TPTE: variants seen among roughly 807,000 people sequenced by gnomAD.
The protein encoded by TPTE is putative tyrosine-protein phosphatase TPTE.
In TPTE, 59 loss-of-function variants were observed where a neutral mutation model predicts 84.1. The observed-to-expected ratio is 0.70, with a 90% CI of 0.57 to 0.87. TPTE has a LOEUF of 0.87. Ranked by LOEUF, TPTE falls within the 40% of genes least tolerant of loss-of-function variation. TPTE has a pLI of 0.00. For missense variants in TPTE, 382 were observed against 659.6 expected (o/e 0.58, Z 4.61); for synonymous variants, 130 against 223.5 (o/e 0.58, Z 3.73).
At chr21:10,550,228 C>T (rs1489756685) in intron 7 of TPTE, among the ~76,000 whole-genome samples, 2 of 152,312 alleles carry the variant, frequency 1.3e-5, no homozygotes, top group Non-Finnish European at 2.9e-5. Flanking sequence ...AAAACCTCCT[C>T]ACCTACCAAT....
chr21:10,536,185 G>C (rs1391244863), intron 3 of TPTE, among the ~76,000 whole-genome samples: 12 of 152,304 alleles, frequency 7.9e-5, no homozygotes, highest in African/African-American at 2.9e-4. Flanking sequence ...GGCTGAGGAA[G>C]GAGAATTGCT....
At chr21:10,564,538 A>G (rs2074876306) in intron 10 of TPTE, among the ~76,000 whole-genome samples, 1 of 152,216 alleles carries the variant, frequency 6.6e-6, no homozygotes, top group Non-Finnish European at 1.5e-5. Flanking sequence ...AACAAACCCA[A>G]AAACCAAAAC....
intron 15 of TPTE, among the ~76,000 whole-genome samples, chr21:10,578,125 A>G (rs1345068502): frequency 1.3e-5 from 2 of 152,310 alleles, no homozygotes; most frequent in Admixed American, 1.3e-4. Context: ...AAACAAAAAT[A>G]AGTTGAGTTT....
At chr21:10,544,681 A>G (rs375301395) in intron 7 of TPTE, among the ~76,000 whole-genome samples, 2,608 of 151,466 alleles carry the variant, frequency 0.017, no homozygotes, top group Middle Eastern at 0.031. Context: ...ATCAGATTGT[A>G]TGGAGGCCCT....
intron 14 of TPTE, chr21:10,576,716 C>CGTATGT (rs2075158483): frequency 6.6e-6 from 1 of 151,944 alleles, no homozygotes; most frequent in Non-Finnish European, 1.5e-5. Flanking sequence ...GAGATATATA[C>CGTATGT]GTATGTGTGT....
At position 10,601,535 on chromosome 21, in the gene TPTE, C is replaced by A. The variant is rs200549677; in HGVS notation, c.1357-523C>A. ...AGAAAAGAAAAGTGGTTCATGATAA[C>A]CCTCAAATATGTTGGCCTTTAAAAG... On this transcript the variant is annotated intron_variant, in intron 21 of 23. Transcript: ENST00000618007. Among the ~76,000 whole-genome samples, 1,620 of 149,986 alleles carry A rather than the reference C, an allele frequency of 0.011. No homozygotes were observed. In the East Asian group the frequency reaches 0.11, roughly 10 times the overall value.
chr21:10,523,389 C>T (rs76934253), intron 1 of TPTE, among the ~76,000 whole-genome samples: 4 of 152,270 alleles, frequency 2.6e-5, no homozygotes, highest in South Asian at 2.1e-4. Context: ...CATGCTGGTG[C>T]GCTGCACCCA....
intron 8 of TPTE, among the ~76,000 whole-genome samples, chr21:10,555,042 T>TTG (rs1170618027): frequency 6.6e-6 from 1 of 152,308 alleles, no homozygotes. Context: ...CTGCCTTCAA[T>TTG]ACAAATCCCA....
At chr21:10,550,342 C>G (rs1454659673) in intron 7 of TPTE, among the ~76,000 whole-genome samples, 2 of 152,304 alleles carry the variant, frequency 1.3e-5, no homozygotes, top group Admixed American at 6.5e-5. Flanking sequence ...AAGAAACTCA[C>G]TTTACCGGTA....
At chr21:10,537,693 G>GA (rs1555886422) in intron 3 of TPTE, among the ~76,000 whole-genome samples, 4 of 150,312 alleles carry the variant, frequency 2.7e-5, no homozygotes, top group African/African-American at 9.7e-5. Context: ...AAAAAAAAAA[G>GA]AAAAAAGAAA....
chr21:10,559,915 CATAT>C (rs1385882388), intron 9 of TPTE, among the ~76,000 whole-genome samples: 1 of 151,690 alleles, frequency 6.6e-6, no homozygotes, highest in African/African-American at 2.4e-5. Context: ...ATATGAGTCT[CATAT>C]ATATCTATAT....
At chr21:10,580,941 A>G (rs1296234459) in intron 17 of TPTE, among the ~76,000 whole-genome samples, 1 of 152,312 alleles carries the variant, frequency 6.6e-6, no homozygotes, top group African/African-American at 2.4e-5. Flanking sequence ...GCTTTAAATA[A>G]TCATCTAAGC....
At chr21:10,543,841 T>G (rs2074416460) in intron 7 of TPTE, among the ~76,000 whole-genome samples, 1 of 152,296 alleles carries the variant, frequency 6.6e-6, no homozygotes, top group Admixed American at 6.5e-5. Flanking sequence ...ATGGAGGAGA[T>G]AGCAGCCAAT....
intron 10 of TPTE, among the ~76,000 whole-genome samples, chr21:10,563,313 G>A (rs967254077): frequency 9.8e-5 from 15 of 152,306 alleles, no homozygotes; most frequent in African/African-American, 3.4e-4. Context: ...CAACCTGAAG[G>A]TATAAAACTC....
chr21:10,585,564 G>T (rs1325102870), intron 17 of TPTE, among the ~76,000 whole-genome samples: 2 of 152,426 alleles, frequency 1.3e-5, no homozygotes, highest in South Asian at 2.1e-4. Flanking sequence ...TGGGCAATTG[G>T]TTATAATTTT....
intron 7 of TPTE, among the ~76,000 whole-genome samples, chr21:10,545,878 G>A (rs76666605): frequency 0.012 from 1,811 of 150,966 alleles, no homozygotes; most frequent in South Asian, 0.063. Context: ...AATAACATCA[G>A]TAGTCATGTA....
At chr21:10,548,495 C>T (rs1417406031) in intron 7 of TPTE, among the ~76,000 whole-genome samples, 1 of 152,312 alleles carries the variant, frequency 6.6e-6, no homozygotes, top group Non-Finnish European at 1.5e-5. Flanking sequence ...CAGAAGTAGT[C>T]CCCAGGGCTT....
chr21:10,558,680 G>A (rs1353427109), intron 8 of TPTE, among the ~76,000 whole-genome samples: 1 of 152,300 alleles, frequency 6.6e-6, no homozygotes, highest in African/African-American at 2.4e-5. Context: ...CTCTTGGGGT[G>A]GAATTTGAGT....
intron 10 of TPTE, among the ~76,000 whole-genome samples, chr21:10,566,250 G>A (rs1234657294): frequency 1.3e-5 from 2 of 152,308 alleles, no homozygotes; most frequent in Non-Finnish European, 2.9e-5. Context: ...CATATCAAGA[G>A]ATGCTTGACA....
Sources: allele counts gnomAD v4.1 joint callset (sites outside exome capture counted in the v4.1 genomes callset), GRCh38; gene constraint gnomAD v4.1.1; transcripts MANE v1.5; gene names NCBI Gene and HGNC (gene_info 2026-07-23, HGNC 2026-07-21).